COX7B2: variants seen among roughly 807,000 people sequenced by gnomAD.
COX7B2 encodes cytochrome c oxidase subunit 7B2, mitochondrial.
For missense variants in COX7B2, 109 were observed against 95.9 expected, an observed-to-expected ratio of 1.14 and a Z score of -0.57; for synonymous variants, 37 against 32.1, an observed-to-expected ratio of 1.15 and a Z score of -0.51.
At chr4:46,775,983 A>T (rs1414815120) in intron 2 of COX7B2, among the ~76,000 whole-genome samples, 2 of 152,316 alleles carry the variant, frequency 1.3e-5, no homozygotes, top group South Asian at 2.1e-4. Flanking sequence ...AAAAGATGGA[A>T]TGTTTATTTA....
intron 1 of COX7B2, among the ~76,000 whole-genome samples, chr4:46,902,453 T>C (rs1017020448): frequency 3.9e-5 from 6 of 152,212 alleles, no homozygotes. Context: ...GACTTAATAA[T>C]TAAGCTTATG....
intron 1 of COX7B2, among the ~76,000 whole-genome samples, chr4:46,849,082 A>G (rs1361781050): frequency 6.6e-6 from 1 of 152,034 alleles, no homozygotes; most frequent in Admixed American, 6.6e-5. Flanking sequence ...AAATATTTTA[A>G]ATCCATAGTT....
chr4:46,742,150 G>T (rs1289620179), intron 2 of COX7B2, among the ~76,000 whole-genome samples: 1 of 152,070 alleles, frequency 6.6e-6, no homozygotes, highest in South Asian at 2.1e-4. Context: ...GAAACATTTG[G>T]TAGCATTTAA....
rs1056638429 is a variant in COX7B2 at position 46,762,231 on chromosome 4, A to T, written c.-49-26990T>A. Among the ~76,000 whole-genome samples, 22 of 142,920 alleles carry T rather than the reference A, an allele frequency of 1.5e-4. 1 individual carries two copies. Among genetic ancestry groups the T allele is most frequent in the Admixed American group, 1.3e-3 (18 of 13,670 alleles). 93.8% of individuals were successfully genotyped at this position (142,920 alleles called of 152,430 possible). On this transcript the variant is annotated intron_variant, in intron 2 of 2. Transcript: ENST00000355591. ...TACATTTAATATGTATATTATTTAT[A>T]TATTAAATATATTATATATTTAATA...
intron 2 of COX7B2, among the ~76,000 whole-genome samples, chr4:46,779,604 TTGTTTTCTACAA>T (rs1165883922): frequency 1.3e-5 from 2 of 152,162 alleles, no homozygotes; most frequent in African/African-American, 4.8e-5. Context: ...AACCTCCATA[TTGTTTTCTACAA>T]TGGCTGCACC....
chr4:46,908,738 CAAA>C (rs34388680), intron 1 of COX7B2, among the ~76,000 whole-genome samples: 5 of 121,090 alleles, frequency 4.1e-5, no homozygotes, highest in African/African-American at 6.5e-5. Flanking sequence ...AGGAAAGTGG[CAAA>C]AAAAAAAAAA....
At chr4:46,795,604 C>G (rs1203088546) in intron 2 of COX7B2, among the ~76,000 whole-genome samples, 1 of 123,740 alleles carries the variant, frequency 8.1e-6, no homozygotes, top group East Asian at 2.4e-4. Flanking sequence ...TTACTGTAGC[C>G]TTGTAGTATA....
chr4:46,738,638 A>T (rs557633943), intron 2 of COX7B2, among the ~76,000 whole-genome samples: 1 of 152,212 alleles, frequency 6.6e-6, no homozygotes, highest in South Asian at 2.1e-4. Context: ...ATTTTGTGTT[A>T]TCAGTAAGTC....
At chr4:46,826,681 T>C (rs1244712427) in intron 2 of COX7B2, among the ~76,000 whole-genome samples, 2 of 152,284 alleles carry the variant, frequency 1.3e-5, no homozygotes, top group African/African-American at 4.8e-5. Context: ...TATGTAGCTA[T>C]AAAAAAGAAT....
chr4:46,801,210 T>A (rs924949028), intron 2 of COX7B2, among the ~76,000 whole-genome samples: 2 of 152,138 alleles, frequency 1.3e-5, no homozygotes, highest in African/African-American at 4.8e-5. Flanking sequence ...AACTACCATT[T>A]AACCCAGTGA....
intron 2 of COX7B2, among the ~76,000 whole-genome samples, chr4:46,762,586 C>A (rs558384817): frequency 1.3e-5 from 2 of 148,260 alleles, no homozygotes; most frequent in Admixed American, 7.0e-5. Context: ...ATGCTGCTTT[C>A]TAATGTTCTA....
intron 2 of COX7B2, among the ~76,000 whole-genome samples, chr4:46,803,968 C>T (rs62305181): frequency 0.3 from 45,790 of 151,888 alleles, 7,453 homozygotes; most frequent in South Asian, 0.47. Flanking sequence ...AATGAAGCTG[C>T]GGACCCTTGC....
At chr4:46,770,234 C>A (rs1430452468) in intron 2 of COX7B2, among the ~76,000 whole-genome samples, 1 of 152,034 alleles carries the variant, frequency 6.6e-6, no homozygotes, top group Non-Finnish European at 1.5e-5. Flanking sequence ...AGAACTACAA[C>A]CCCAATAACA....
chr4:46,832,915 T>C (rs1340861348), intron 2 of COX7B2, among the ~76,000 whole-genome samples: 3 of 151,916 alleles, frequency 2.0e-5, no homozygotes, highest in East Asian at 1.9e-4. Context: ...TTTTTTTTTT[T>C]CTTTTTTGAG....
In COX7B2 at chr4:46,902,864, G is replaced by GAGAC. The variant is rs1720153542; in HGVS notation, c.-105+6292_-105+6295dup. 2.0e-5 allele frequency among the ~76,000 whole-genome samples: 3 copies of GAGAC among 152,168 alleles called. No homozygotes were observed. In the South Asian group the frequency reaches 6.2e-4, roughly 32 times the overall value. Reference sequence around the variant, plus strand: ...TGTACTCCAGTCTGGGTAACAGAGGGAGACCCTGTCTCAAAATAATAAATA... The same window carrying GAGAC: ...TGTACTCCAGTCTGGGTAACAGAGGGAGACAGACCCTGTCTCAAAATAATAAATA... On this transcript the variant is annotated intron_variant, in intron 1 of 2. Transcript: ENST00000355591.
chr4:46,770,070 C>T (rs936023770), intron 2 of COX7B2, among the ~76,000 whole-genome samples: 7 of 152,104 alleles, frequency 4.6e-5, no homozygotes, highest in African/African-American at 1.7e-4. Context: ...TTTCTGTTTG[C>T]AGATGACATG....
At chr4:46,830,824 A>G (rs1219133838) in intron 2 of COX7B2, among the ~76,000 whole-genome samples, 1 of 152,242 alleles carries the variant, frequency 6.6e-6, no homozygotes, top group East Asian at 1.9e-4. Context: ...GCATTAATGT[A>G]CAGTCATCTC....
intron 2 of COX7B2, among the ~76,000 whole-genome samples, chr4:46,837,274 T>TACATAC (rs927356554): frequency 2.3e-5 from 3 of 133,260 alleles, no homozygotes; most frequent in African/African-American, 8.2e-5. Flanking sequence ...CACAAAGACA[T>TACATAC]ACACACACAC....
chr4:46,802,109 A>G (rs376056588), intron 2 of COX7B2, among the ~76,000 whole-genome samples: 1 of 152,104 alleles, frequency 6.6e-6, no homozygotes, highest in East Asian at 1.9e-4. Context: ...CTGCAATGGG[A>G]TTTCAGTTTG....
Sources: gnomAD v4.1 joint callset for allele counts (sites outside exome capture counted in the v4.1 genomes callset) on GRCh38, gnomAD v4.1.1 for gene constraint, MANE v1.5 for transcripts, NCBI Gene and HGNC (gene_info 2026-07-23, HGNC 2026-07-21) for gene names.